The following RAI1 variants were observed in gnomAD, a reference collection of about 807,000 sequenced individuals.
RAI1 encodes retinoic acid induced 1.
Under a neutral mutation model 123.8 loss-of-function variants are expected in RAI1, and 9 were observed. The ratio of observed to expected loss-of-function variants is 0.07; its 90% CI spans 0.04 to 0.13. The LOEUF (loss-of-function observed/expected upper bound fraction) is 0.13. Ranked by LOEUF, RAI1 falls within the 10% of genes least tolerant of loss-of-function variation. The pLI is 1.00. For missense variants in RAI1, 2,256 were observed against 2,545.8 expected, an observed-to-expected ratio of 0.89 and a Z score of 2.45; for synonymous variants, 1,231 against 1,127.3, an observed-to-expected ratio of 1.09 and a Z score of -1.84.
At position 17,797,961 on chromosome 17, in the gene RAI1, C is replaced by G. The variant is rs1451690554; in HGVS notation, c.5013C>G (p.His1671Gln). 3.1e-6 allele frequency: 5 copies of G among 1,614,136 alleles called. No individual in the cohort carries two copies. Among genetic ancestry groups the G allele is most frequent in the Non-Finnish European group, 4.2e-6 (5 of 1,180,040 alleles). ...RPSLPLSSTM[H>Q]LGPVVSKALS... The stretch of plus-strand genomic sequence containing the variant: ...CCTTGCCCCTCTCCTCCACGATGCA[C>G]TTGGGGCCTGTGGTTTCCAAGGCCC... Residue 1671 changes from histidine to glutamine, a missense_variant, in exon 3 of 6, where the codon CAC becomes CAG. By Grantham distance (24) the His-to-Gln change is conservative. Coordinates refer to ENST00000353383, the MANE Select transcript of RAI1 (RefSeq NM_030665.4).
chr17:17,770,923 G>A (rs994206162), intron 2 of RAI1: 6 of 152,246 alleles, frequency 3.9e-5, no homozygotes, highest in African/African-American at 1.4e-4. Context: ...GTGTCCTCTG[G>A]CCCTCAATAA....
Position 17,797,156 on chromosome 17 carries a change from C to T in RAI1, c.4208C>T (p.Pro1403Leu). Residue 1403 changes from proline to leucine, a missense_variant, in exon 3 of 6, where the codon CCA becomes CTA. By Grantham distance (98) the Pro-to-Leu change is moderately conservative (BLOSUM62 -3). Around this residue, in one of 7 missense-constraint regions of RAI1, gnomAD observed 410 missense variants for 374.6 expected, o/e 1.09. Coordinates refer to ENST00000353383, the MANE Select transcript of RAI1 (RefSeq NM_030665.4). ...GGGGCTGATCCGTTATGCAGAAATCCAACCAACAGATCCTTAAAAGGCAAA... is the reference window on the plus strand; with the variant it reads ...GGGGCTGATCCGTTATGCAGAAATCTAACCAACAGATCCTTAAAAGGCAAA... ...TSGADPLCRN[P>L]TNRSLKGKLM... 1 of 1,614,046 alleles carries T rather than the reference C, an allele frequency of 6.2e-7. No individual in the cohort carries two copies. Among genetic ancestry groups the T allele is most frequent in the Non-Finnish European group, 8.5e-7 (1 of 1,180,038 alleles).
chr17:17,716,019 G>T (rs1484106792), intron 1 of RAI1, among the ~76,000 whole-genome samples: 1 of 152,210 alleles, frequency 6.6e-6, no homozygotes, highest in Non-Finnish European at 1.5e-5. Context: ...AGAGGGAATT[G>T]TCCAAGTCAT....
intron 2 of RAI1, among the ~76,000 whole-genome samples, chr17:17,786,196 G>T (rs947340708): frequency 6.6e-6 from 1 of 152,054 alleles, no homozygotes; most frequent in Non-Finnish European, 1.5e-5. Flanking sequence ...GCCAGGCCTC[G>T]GGAAGATGTT....
At position 17,794,364 on chromosome 17, in the gene RAI1, C is replaced by T. The variant is rs763889319; in HGVS notation, c.1416C>T (p.Thr472=). The T allele has an allele frequency of 1.9e-6, 3 of 1,613,240 alleles. No individual in the cohort carries two copies. In the South Asian group the frequency reaches 3.3e-5, roughly 18 times the overall value. ...KKGVKNLVSR[T]PEQHKSQHCS... ...GTGTCAAGAACCTCGTGTCCAGGACCCCAGAGCAGCATAAAAGCCAGCACT... is the reference window on the plus strand; with the variant it reads ...GTGTCAAGAACCTCGTGTCCAGGACTCCAGAGCAGCATAAAAGCCAGCACT... The change falls in exon 3 of 6, where the codon ACC becomes ACT. Residue 472 remains threonine (T), a synonymous_variant. Transcript: ENST00000353383.
intron 1 of RAI1, among the ~76,000 whole-genome samples, chr17:17,722,153 G>A (rs2142925224): frequency 6.6e-6 from 1 of 152,314 alleles, no homozygotes; most frequent in African/African-American, 2.4e-5. Context: ...GCGGGAGAAA[G>A]TGGTGGGACG....
At position 17,797,718 on chromosome 17, in the gene RAI1, C is replaced by T. The variant is rs751626848; in HGVS notation, c.4770C>T (p.Ser1590=). 1.1e-5 allele frequency: 18 copies of T among 1,613,640 alleles called. No homozygotes were observed. The highest frequency in any genetic ancestry group is 1.3e-5 in the African/African-American group (1 of 75,056). The change falls in exon 3 of 6, where the codon AGC becomes AGT. Residue 1590 remains serine (S), a synonymous_variant. Coordinates refer to ENST00000353383, the MANE Select transcript of RAI1 (RefSeq NM_030665.4). ...CTTGCAAGCGGCTGAGGTCAGACAG[C>T]CGGACCCCCGCCTTCTCACCCTTCG... The part of the protein sequence containing the change: ...ISSCKRLRSD[S]RTPAFSPFVR...
chr17:17,757,321 G>A (rs2030477078), intron 2 of RAI1, among the ~76,000 whole-genome samples: 1 of 152,226 alleles, frequency 6.6e-6, no homozygotes, highest in South Asian at 2.1e-4. Context: ...GGTTTGCGGA[G>A]GCAGGAGAGA....
At chr17:17,747,623 G>T (rs1243860582) in intron 2 of RAI1, among the ~76,000 whole-genome samples, 1 of 152,164 alleles carries the variant, frequency 6.6e-6, no homozygotes, top group Non-Finnish European at 1.5e-5. Context: ...GGTGGCAGGG[G>T]CCTAGAGTAT....
At chr17:17,702,103 G>A (rs1029733888) in intron 1 of RAI1, among the ~76,000 whole-genome samples, 7 of 152,252 alleles carry the variant, frequency 4.6e-5, no homozygotes, top group African/African-American at 1.7e-4. Context: ...GGCAGGAATA[G>A]CATTCCAGGT....
Position 17,810,026 on chromosome 17 carries a change from C to G in RAI1, c.*45C>G. On this transcript the variant is annotated 3_prime_UTR_variant, in exon 6 of 6. Coordinates refer to ENST00000353383, the MANE Select transcript of RAI1 (RefSeq NM_030665.4). This position sits in a 1 kb window ranked among gnomAD's most constrained non-coding sequence, Gnocchi z 4.6. ...GAGGAGCCGCCGGAGCCCGCCTGCC[C>G]GCCCGCCGCCGAAGGAGAGGAGCCG... is the stretch of plus-strand genomic sequence containing the variant. The G allele has an allele frequency of 6.5e-7, 1 of 1,542,836 alleles. No homozygotes were observed. Among genetic ancestry groups the G allele is most frequent in the Non-Finnish European group, 8.7e-7 (1 of 1,144,466 alleles).
rs1293086311 is a variant in RAI1, at chr17:17,800,295, C to T, written c.5565+1782C>T. ...TCTCCCGTCATCAAAAAATAATAAC[C>T]CTCAGATCACCAGCCCCAGCTGGCT... On this transcript the variant is annotated intron_variant, in intron 3 of 5. Coordinates refer to ENST00000353383, the MANE Select transcript of RAI1 (RefSeq NM_030665.4). The surrounding 1 kb of genome is among the most constrained non-coding windows in gnomAD (Gnocchi z 4.7). 6.7e-6 allele frequency among the ~76,000 whole-genome samples: 1 copy of T among 150,108 alleles called. No homozygotes were observed. The highest frequency in any genetic ancestry group is 1.5e-5 in the Non-Finnish European group (1 of 67,458).
rs1186112776 is a variant in RAI1 at position 17,794,587 on chromosome 17, A to G, written c.1639A>G (p.Lys547Glu). 11 of 1,613,220 alleles carry G rather than the reference A, an allele frequency of 6.8e-6. No homozygotes were observed. The highest frequency in any genetic ancestry group is 1.3e-5 in the African/African-American group (1 of 75,070). ...CCCTGCCAGGGTCAACAGCAACTCG[A>G]AGGCCAAGCCCGAGTCCGTGTCCAC... is the stretch of plus-strand genomic sequence containing the variant. ...GSPARVNSNSKAKPESVSTCS... is the reference protein window; with the variant it reads ...GSPARVNSNSEAKPESVSTCS... The change falls in exon 3 of 6, where the codon AAG becomes GAG. Residue 547 changes from lysine to glutamate, a missense_variant. Physicochemically the swap from Lys to Glu is moderately conservative, Grantham distance 56. This residue lies in a region of RAI1 where 357 missense variants were observed against 480.2 expected (regional missense o/e 0.74). Coordinates refer to ENST00000353383, the MANE Select transcript of RAI1 (RefSeq NM_030665.4).
intron 1 of RAI1, among the ~76,000 whole-genome samples, chr17:17,686,967 G>A (rs1014832744): frequency 3.3e-5 from 5 of 152,122 alleles, no homozygotes; most frequent in African/African-American, 1.2e-4. Flanking sequence ...TAGGGGCCAG[G>A]TGAACAATGA....
chr17:17,725,269 C>T (rs555823227), intron 2 of RAI1, among the ~76,000 whole-genome samples: 1 of 152,146 alleles, frequency 6.6e-6, no homozygotes, highest in Non-Finnish European at 1.5e-5. Context: ...GCCTCCTCCC[C>T]TCTGGTACAA....
At chr17:17,775,358 C>T (rs538778398) in intron 2 of RAI1, among the ~76,000 whole-genome samples, 1 of 152,000 alleles carries the variant, frequency 6.6e-6, no homozygotes, top group African/African-American at 2.4e-5. Context: ...CATGCATCAC[C>T]ATGCCCAGCT....
chr17:17,771,721 C>T (rs1225964221), intron 2 of RAI1, among the ~76,000 whole-genome samples: 3 of 152,184 alleles, frequency 2.0e-5, no homozygotes, highest in Non-Finnish European at 2.9e-5. Context: ...GCCGGCCTGT[C>T]GGGGGCTGGT....
At position 17,804,762 on chromosome 17, in the gene RAI1, C is replaced by A. The variant is rs1400857404; in HGVS notation, c.5659+913C>A. Among the ~76,000 whole-genome samples, 3 of 152,124 alleles carry A rather than the reference C, an allele frequency of 2.0e-5. No individual in the cohort carries two copies. The East Asian group carries it at 5.8e-4, about 29-fold the overall frequency. On this transcript the variant is annotated intron_variant, in intron 4 of 5. Transcript: ENST00000353383. ...GCAGCCTTAACCTCCTGGGCTCAAT[C>A]ATCCTCCCACCTCAGCCTCCTGAGC...
rs562805745 is a variant in RAI1 at position 17,704,482 on chromosome 17, G to C, written c.-148-19546G>C. On this transcript the variant is annotated intron_variant, in intron 1 of 5. Transcript: ENST00000353383. ...TCCCCAGGGCAGTCCTTAACCACCA[G>C]CCAGCCTCCCCAGGCACCCGTGCCG... Among the ~76,000 whole-genome samples the C allele has an allele frequency of 2.0e-5, 3 of 152,258 alleles. No individual in the cohort carries two copies. The South Asian group carries it at 6.2e-4, about 32-fold the overall frequency.
Sources: gnomAD v4.1 joint callset for allele counts (sites outside exome capture counted in the v4.1 genomes callset) on GRCh38, gnomAD v4.1.1 for gene constraint, gnomAD v4.1.1 regional missense constraint, Gnocchi (gnomAD v3.1) non-coding constraint, MANE v1.5 for transcripts, NCBI Gene and HGNC (gene_info 2026-07-23, HGNC 2026-07-21) for gene names.